GOLGA8A: variants seen among roughly 807,000 people sequenced by gnomAD.
The protein encoded by GOLGA8A is golgin A8 family member A.
GOLGA8A carries 3 observed loss-of-function variants against 22.1 expected under a neutral mutation model. That is an observed-to-expected ratio of 0.14 (90% CI 0.06 to 0.35). The LOEUF is 0.35. Among genes scored for constraint, GOLGA8A ranks in the 10% least tolerant of loss-of-function variants. GOLGA8A has a pLI of 1.00. For missense variants in GOLGA8A, 16 were observed against 233.2 expected (o/e 0.07, Z 6.07); for synonymous variants, 7 against 91.7 (o/e 0.08, Z 5.28).
chr15:34,431,302 TATATATATAC>T (rs1408204556), intron 2 of GOLGA8A, among the ~76,000 whole-genome samples: 455 of 11,608 alleles, frequency 0.039, 10 homozygotes, highest in East Asian at 0.31. Flanking sequence ...TATATATATA[TATATATATAC>T]ATATATATAT....
Position 34,430,622 on chromosome 15 carries a change from G to A in GOLGA8A, c.-1123+4761C>T, listed in dbSNP as rs1228162788. On this transcript the variant is annotated intron_variant, in intron 2 of 24. Transcript: ENST00000359187. ...AGCCAGAATCAGTTAGAGGCTGGAGGTAGTGCCAGGTGTCTGAAACCCAGC... is the reference window on the plus strand; with the variant it reads ...AGCCAGAATCAGTTAGAGGCTGGAGATAGTGCCAGGTGTCTGAAACCCAGC... Among the ~76,000 whole-genome samples, 6 of 149,606 alleles carry A rather than the reference G, an allele frequency of 4.0e-5. 1 individual carries two copies. Among genetic ancestry groups the A allele is most frequent in the Non-Finnish European group, 7.4e-5 (5 of 67,232 alleles).
Position 34,381,556 on chromosome 15 carries a change from T to A in GOLGA8A, c.1667A>T (p.Glu556Val), listed in dbSNP as rs758116822. The A allele has an allele frequency of 3.7e-5, 59 of 1,611,292 alleles. No homozygotes were observed. Among genetic ancestry groups the A allele is most frequent in the Admixed American group, 2.7e-4 (16 of 59,700 alleles). ...AGTAGGGTTGTCCTGGGAAGAACCC[T>A]CCCTGGCTTCTCCTTGTGCAGGCTC... ...SVEPAQGEAR[E>V]GSSQDNPTAQ... Residue 556 changes from glutamate to valine, a missense_variant, in exon 25 of 25, where the codon GAG becomes GTG. Coordinates refer to ENST00000359187, the MANE Select transcript of GOLGA8A (RefSeq NM_181077.5).
intron 2 of GOLGA8A, among the ~76,000 whole-genome samples, chr15:34,429,897 T>G (rs193210627): frequency 6.8e-6 from 1 of 148,050 alleles, no homozygotes; most frequent in African/African-American, 2.5e-5. Flanking sequence ...TTGTTTCCAC[T>G]ATTAGATTAA....
rs776920805 is a variant in GOLGA8A at position 34,386,721 on chromosome 15, AGAG to A, written c.186_188del (p.Ser63del). On this transcript the variant is annotated inframe_deletion, in exon 12 of 25. Coordinates refer to ENST00000359187, the MANE Select transcript of GOLGA8A (RefSeq NM_181077.5). ...GGCACGGGCTCTGACGCGCATGCAG[AGAG>A]GAGGAGGCGGAGGAGGACTTGGGGG... is the stretch of plus-strand genomic sequence containing the variant. The A allele has an allele frequency of 3.8e-6, 6 of 1,562,202 alleles. No individual in the cohort carries two copies. The highest frequency in any genetic ancestry group is 1.5e-5 in the African/African-American group (1 of 65,010).
intron 2 of GOLGA8A, among the ~76,000 whole-genome samples, chr15:34,433,044 G>A (rs180977): frequency 0.1 from 14,929 of 148,910 alleles, 1,837 homozygotes; most frequent in East Asian, 0.28. Context: ...CTGGTCCTGG[G>A]CCCCAGGGAT....
At chr15:34,433,627 G>C (rs1893355495) in intron 2 of GOLGA8A, among the ~76,000 whole-genome samples, 1 of 148,842 alleles carries the variant, frequency 6.7e-6, no homozygotes, top group Non-Finnish European at 1.5e-5. Flanking sequence ...TGGGACTCGG[G>C]AAAAGGAGGC....
At position 34,431,934 on chromosome 15, in the gene GOLGA8A, G is replaced by C. The variant is rs1220772357; in HGVS notation, c.-1123+3449C>G. ...CTATCATTCACCAAAACAATGTCAT[G>C]TGATGCATGACAGTACATATGTATC... is the stretch of plus-strand genomic sequence containing the variant. On this transcript the variant is annotated intron_variant, in intron 2 of 24. Coordinates refer to ENST00000359187, the MANE Select transcript of GOLGA8A (RefSeq NM_181077.5). 2.7e-5 allele frequency among the ~76,000 whole-genome samples: 4 copies of C among 148,946 alleles called. 1 individual carries two copies. The highest frequency in any genetic ancestry group is 9.9e-5 in the African/African-American group (4 of 40,320).
chr15:34,431,325 A>C (rs1450653688), intron 2 of GOLGA8A, among the ~76,000 whole-genome samples: 5 of 27,156 alleles, frequency 1.8e-4, no homozygotes, highest in African/African-American at 3.3e-4. Flanking sequence ...ATATATATAT[A>C]TATATATATA....
rs561526270 is a variant in GOLGA8A, at chr15:34,433,188, G to A, written c.-1123+2195C>T. ...CCAGGACACACGCAGGAGAGAGTCA[G>A]GCAGGAGGAGGCTTCTGGAAGGGAA... On this transcript the variant is annotated intron_variant, in intron 2 of 24. Transcript: ENST00000359187. Among the ~76,000 whole-genome samples, 9 of 147,936 alleles carry A rather than the reference G, an allele frequency of 6.1e-5. 1 individual carries two copies. The highest frequency in any genetic ancestry group is 2.2e-4 in the South Asian group (1 of 4,602).
chr15:34,433,524 C>G lies in GOLGA8A; in HGVS notation c.-1123+1859G>C, dbSNP rs1284022858. On this transcript the variant is annotated intron_variant, in intron 2 of 24. Transcript: ENST00000359187. ...TATGTGAAACCGACGTTGCACTGTA[C>G]AACTCTGAAGCTCTTTCTTGACTGC... 1.3e-5 allele frequency among the ~76,000 whole-genome samples: 2 copies of G among 149,388 alleles called. 1 individual carries two copies. The highest frequency in any genetic ancestry group is 3.0e-5 in the Non-Finnish European group (2 of 67,218).
At chr15:34,425,722 C>T (rs1477191407) in intron 2 of GOLGA8A, among the ~76,000 whole-genome samples, 1 of 146,156 alleles carries the variant, frequency 6.8e-6, no homozygotes, top group Admixed American at 7.1e-5. Context: ...GTACCAAGAA[C>T]ACCTAGAAAT....
intron 1 of GOLGA8A, among the ~76,000 whole-genome samples, chr15:34,437,186 G>A (rs551288467): frequency 6.8e-6 from 1 of 147,358 alleles, no homozygotes; most frequent in African/African-American, 2.5e-5. Flanking sequence ...GAGGAGGATG[G>A]GCCGGTCCGA....
chr15:34,426,937 G>A (rs1242534121), intron 2 of GOLGA8A, among the ~76,000 whole-genome samples: 1 of 144,422 alleles, frequency 6.9e-6, no homozygotes, highest in East Asian at 2.1e-4. Context: ...GCTCTGGTGG[G>A]GAGCACTGCC....
At chr15:34,424,966 G>A (rs74620421) in intron 2 of GOLGA8A, among the ~76,000 whole-genome samples, 9,854 of 140,516 alleles carry the variant, frequency 0.07, 717 homozygotes, top group South Asian at 0.19. Context: ...CAGGCGTGGT[G>A]GACCCCGCTA....
In GOLGA8A at chr15:34,379,501, C is replaced by T. The variant is rs1021237193; in HGVS notation, c.*1910G>A. ...TGTGTAATACATTGATAAATTCATA[C>T]AATTTGGAAGAGTCAGTTGAAGTTA... On this transcript the variant is annotated 3_prime_UTR_variant, in exon 25 of 25. Transcript: ENST00000359187. 6 of 152,590 alleles carry T rather than the reference C, an allele frequency of 3.9e-5. No homozygotes were observed. Among genetic ancestry groups the T allele is most frequent in the Admixed American group, 2.6e-4 (4 of 15,276 alleles). 9.5% of individuals were successfully genotyped at this position (152,590 alleles called of 1,614,324 possible).
chr15:34,436,344 G>C (rs1216524305), intron 1 of GOLGA8A, among the ~76,000 whole-genome samples: 2 of 149,666 alleles, frequency 1.3e-5, no homozygotes, highest in African/African-American at 2.5e-5. Context: ...AGACGCCAGA[G>C]GCAGTTTAGC....
Position 34,433,643 on chromosome 15 carries a change from C to G in GOLGA8A, c.-1123+1740G>C, listed in dbSNP as rs75221068. 9.3e-3 allele frequency among the ~76,000 whole-genome samples: 1,390 copies of G among 148,738 alleles called. 95 individuals are homozygous for G. The highest frequency in any genetic ancestry group is 0.032 in the African/African-American group (1,281 of 40,298). ...GGGACTCGGGAAAAGGAGGCACAGG[C>G]AGCAGGACATGTGCTGCAAGGAGAC... On this transcript the variant is annotated intron_variant, in intron 2 of 24. Transcript: ENST00000359187.
intron 2 of GOLGA8A, chr15:34,429,066 G>A (rs1231424498): frequency 1.5e-5 from 2 of 137,192 alleles, no homozygotes; most frequent in Non-Finnish European, 3.1e-5. Context: ...CCACCCTCCT[G>A]CGTCCTCACT....
At chr15:34,431,897 C>G (rs1372958455) in intron 2 of GOLGA8A, among the ~76,000 whole-genome samples, 2 of 149,150 alleles carry the variant, frequency 1.3e-5, no homozygotes, top group African/African-American at 5.0e-5. Context: ...TATGGGACCT[C>G]TGTCATATAT....
Sources: gnomAD v4.1 joint callset for allele counts (sites outside exome capture counted in the v4.1 genomes callset) on GRCh38, gnomAD v4.1.1 for gene constraint, MANE v1.5 for transcripts, NCBI Gene and HGNC (gene_info 2026-07-23, HGNC 2026-07-21) for gene names.